Variants in MAD1L1 observed in about 807,000 individuals in gnomAD.
MAD1L1 encodes the protein mitotic spindle assembly checkpoint protein MAD1.
Under a neutral mutation model 96.9 loss-of-function variants are expected in MAD1L1, and 95 were observed. The ratio of observed to expected loss-of-function variants is 0.98; its 90% confidence interval spans 0.83 to 1.16. The LOEUF is 1.16. Ranked by LOEUF, MAD1L1 falls within the 50% of genes most tolerant of loss-of-function variation. The probability of loss-of-function intolerance (pLI) is 0.00; values close to 1 mark genes in which losing one functional copy is unlikely to be tolerated. For missense variants in MAD1L1, 1,007 were observed against 954.4 expected (o/e 1.06, Z -0.73); for synonymous variants, 473 against 396.6 (o/e 1.19, Z -2.29).
chr7:1,947,550 C>A (rs563905113), intron 16 of MAD1L1, among the ~76,000 whole-genome samples: 10 of 152,288 alleles, frequency 6.6e-5, no homozygotes, highest in African/African-American at 2.2e-4. Context: ...CCAAGAGGCA[C>A]AGGCAGAGGC....
At chr7:2,030,836 G>A (rs568841755) in intron 12 of MAD1L1, among the ~76,000 whole-genome samples, 1 of 152,314 alleles carries the variant, frequency 6.6e-6, no homozygotes, top group South Asian at 2.1e-4. Flanking sequence ...CCCCCAACCT[G>A]CGCCTGGTGC....
chr7:2,064,955 C>T (rs984404914), intron 12 of MAD1L1, among the ~76,000 whole-genome samples: 2 of 152,096 alleles, frequency 1.3e-5, no homozygotes, highest in African/African-American at 4.8e-5. Context: ...CAAGGGAGGA[C>T]AGAGGCTTCT....
chr7:1,971,431 G>T (rs1215868973), intron 15 of MAD1L1, among the ~76,000 whole-genome samples: 1 of 152,038 alleles, frequency 6.6e-6, no homozygotes, highest in Non-Finnish European at 1.5e-5. Flanking sequence ...GCTCCAAAAG[G>T]GGTTAATCAA....
chr7:1,911,466 T>C (rs1382105529), intron 17 of MAD1L1, among the ~76,000 whole-genome samples: 1 of 152,174 alleles, frequency 6.6e-6, no homozygotes, highest in African/African-American at 2.4e-5. Flanking sequence ...GCAGCCCAGG[T>C]GTTCTGTCCT....
intron 18 of MAD1L1, among the ~76,000 whole-genome samples, chr7:1,874,920 G>C (rs1785301645): frequency 1.3e-5 from 2 of 152,136 alleles, no homozygotes; most frequent in Admixed American, 6.5e-5. Context: ...TAGGCACCCT[G>C]CACCTGTGCC....
intron 17 of MAD1L1, among the ~76,000 whole-genome samples, chr7:1,921,422 G>A (rs956155161): frequency 6.6e-6 from 1 of 151,522 alleles, no homozygotes; most frequent in South Asian, 2.1e-4. Flanking sequence ...AGGTTCAGGC[G>A]ATTCTCCCAC....
chr7:1,957,799 G>C, intron 15 of MAD1L1, 80 bp from the exon 16 acceptor site: 1 of 1,343,304 alleles, frequency 7.4e-7, no homozygotes, highest in East Asian at 2.3e-5. Flanking sequence ...TGATAAGGAG[G>C]TGAAAGGTTA....
intron 18 of MAD1L1, chr7:1,838,480 T>C (rs1783052877): frequency 9.7e-6 from 3 of 307,808 alleles, no homozygotes; most frequent in South Asian, 9.2e-5. Flanking sequence ...ATCCACACAC[T>C]AGACCGTATG....
At chr7:2,166,709 C>G (rs1374926746) in intron 10 of MAD1L1, among the ~76,000 whole-genome samples, 1 of 152,200 alleles carries the variant, frequency 6.6e-6, no homozygotes, top group Non-Finnish European at 1.5e-5. Flanking sequence ...GCCCGGCCGG[C>G]CTGAGGCTGT....
intron 12 of MAD1L1, among the ~76,000 whole-genome samples, chr7:2,014,981 G>A (rs2128498420): frequency 6.6e-6 from 1 of 152,352 alleles, no homozygotes; most frequent in Middle Eastern, 3.4e-3. Flanking sequence ...TGTGGACACA[G>A]CACACACAAG....
intron 4 of MAD1L1, among the ~76,000 whole-genome samples, chr7:2,224,330 C>T (rs976875973): frequency 6.6e-6 from 1 of 152,140 alleles, no homozygotes; most frequent in African/African-American, 2.4e-5. Flanking sequence ...CCTCCCCTTC[C>T]CACCAATTCC....
At chr7:1,851,870 C>T (rs979513233) in intron 18 of MAD1L1, among the ~76,000 whole-genome samples, 2 of 152,198 alleles carry the variant, frequency 1.3e-5, no homozygotes, top group Non-Finnish European at 2.9e-5. Context: ...CGCCTGCCTG[C>T]CAACAGCTGG....
At chr7:2,206,191 A>G (rs748935369) in intron 10 of MAD1L1, among the ~76,000 whole-genome samples, 2 of 152,222 alleles carry the variant, frequency 1.3e-5, no homozygotes, top group Non-Finnish European at 2.9e-5. Context: ...TTTTTAAACT[A>G]TGGTAATCTT....
intron 10 of MAD1L1, among the ~76,000 whole-genome samples, chr7:2,201,328 C>G (rs1469578341): frequency 6.6e-6 from 1 of 152,184 alleles, no homozygotes; most frequent in Non-Finnish European, 1.5e-5. Flanking sequence ...CCAGCCCTGT[C>G]ACAAAGCTGC....
chr7:2,024,905 A>C (rs1782935647), intron 12 of MAD1L1, among the ~76,000 whole-genome samples: 1 of 152,242 alleles, frequency 6.6e-6, no homozygotes, highest in African/African-American at 2.4e-5. Context: ...ATTCTCCAAA[A>C]TCTCTTCCAG....
intron 11 of MAD1L1, among the ~76,000 whole-genome samples, chr7:2,091,373 C>T (rs184749113): frequency 4.1e-4 from 62 of 152,314 alleles, no homozygotes; most frequent in African/African-American, 1.4e-3. Flanking sequence ...CATACACAGA[C>T]GCATCTGCCT....
chr7:2,090,569 G>A (rs1786156984), intron 11 of MAD1L1, among the ~76,000 whole-genome samples: 1 of 152,172 alleles, frequency 6.6e-6, no homozygotes, highest in Non-Finnish European at 1.5e-5. Context: ...TCCCAGGGTT[G>A]GATCAGGGTG....
At chr7:2,116,157 C>T (rs1461019677) in intron 11 of MAD1L1, among the ~76,000 whole-genome samples, 1 of 152,266 alleles carries the variant, frequency 6.6e-6, no homozygotes, top group African/African-American at 2.4e-5. Flanking sequence ...TTGGCTGCTG[C>T]TCCCAGTGGC....
At chr7:1,891,037 C>G (rs1262179895) in intron 18 of MAD1L1, among the ~76,000 whole-genome samples, 1 of 152,206 alleles carries the variant, frequency 6.6e-6, no homozygotes, top group Non-Finnish European at 1.5e-5. Context: ...GCCACCTCCC[C>G]TTCCCCTGCT....
Sources: gnomAD v4.1 joint callset for allele counts (sites outside exome capture counted in the v4.1 genomes callset) on GRCh38, gnomAD v4.1.1 for gene constraint, MANE v1.5 for transcripts, NCBI Gene and HGNC (gene_info 2026-07-23, HGNC 2026-07-21) for gene names.